The following HMCN1 variants were observed in gnomAD, a reference collection of about 807,000 sequenced individuals.
HMCN1 encodes hemicentin 1.
A neutral mutation model predicts 625.9 loss-of-function variants in HMCN1; 321 were observed. That is an observed-to-expected ratio of 0.51 (90% confidence interval 0.47 to 0.56). The LOEUF (loss-of-function observed/expected upper bound fraction) is 0.56. Among genes scored for constraint, HMCN1 ranks in the 20% least tolerant of loss-of-function variants. HMCN1 has a pLI of 0.00. For missense variants in HMCN1, 6,588 were observed against 6,887.3 expected (o/e 0.96, Z 1.54); for synonymous variants, 2,425 against 2,417.6 (o/e 1.00, Z -0.09).
At chr1:185,887,118 G>A (rs10911781) in intron 4 of HMCN1, among the ~76,000 whole-genome samples, 53,830 of 151,646 alleles carry the variant, frequency 0.35, 12,542 homozygotes, top group African/African-American at 0.66. Flanking sequence ...GTCCCTCTTA[G>A]TATATAAATC....
chr1:185,895,287 TG>T (rs1265112894), intron 4 of HMCN1, among the ~76,000 whole-genome samples: 1 of 152,212 alleles, frequency 6.6e-6, no homozygotes, highest in African/African-American at 2.4e-5. Flanking sequence ...AGTGATTTTT[TG>T]TATGTTCCAA....
chr1:185,981,208 C>T (rs1651610048), intron 17 of HMCN1, 135 bp downstream of exon 17: 1 of 673,662 alleles, frequency 1.5e-6, no homozygotes. Context: ...CTTCCCTTCC[C>T]TGCCACACTT....
At chr1:185,775,891 G>A (rs1247410488) in intron 1 of HMCN1, among the ~76,000 whole-genome samples, 1 of 152,174 alleles carries the variant, frequency 6.6e-6, no homozygotes, top group Non-Finnish European at 1.5e-5. Context: ...TGTTGAAAGA[G>A]GTCAGCAGTG....
chr1:186,189,087 T>A (rs1653545982), intron 106 of HMCN1, among the ~76,000 whole-genome samples: 1 of 152,146 alleles, frequency 6.6e-6, no homozygotes, highest in African/African-American at 2.4e-5. Context: ...TTAGAAAAAA[T>A]GTCAATATAT....
chr1:186,031,270 A>G (rs1209110598), intron 36 of HMCN1, among the ~76,000 whole-genome samples: 1 of 152,078 alleles, frequency 6.6e-6, no homozygotes, highest in East Asian at 1.9e-4. Context: ...TAATTTTAAA[A>G]GACAGATTTT....
intron 46 of HMCN1, among the ~76,000 whole-genome samples, chr1:186,061,572 A>G (rs1176613052): frequency 6.6e-6 from 1 of 152,196 alleles, no homozygotes; most frequent in African/African-American, 2.4e-5. Context: ...TTTTAAGATC[A>G]TATTCAAACA....
intron 1 of HMCN1, among the ~76,000 whole-genome samples, chr1:185,744,050 G>T (rs1284310889): frequency 7.0e-6 from 1 of 143,814 alleles, no homozygotes; most frequent in Non-Finnish European, 1.5e-5. Context: ...GTGCAGTGGC[G>T]CAATCTCGGC....
chr1:185,899,208 T>C lies in HMCN1; in HGVS notation c.622-10129T>C, dbSNP rs185439661. 2.1e-3 allele frequency among the ~76,000 whole-genome samples: 326 copies of C among 152,266 alleles called. 2 individuals carry two copies. The highest frequency in any genetic ancestry group is 7.4e-3 in the African/African-American group (308 of 41,570). On this transcript the variant is annotated intron_variant, in intron 4 of 106. Transcript: ENST00000271588. Reference sequence around the variant, plus strand: ...CACTGGGGCGATGTTCGCTATTTTTTTGGACCCAAATTTCTATCAGTACTA... The same window carrying C: ...CACTGGGGCGATGTTCGCTATTTTTCTGGACCCAAATTTCTATCAGTACTA...
intron 1 of HMCN1, among the ~76,000 whole-genome samples, chr1:185,818,954 T>A (rs1218216034): frequency 6.6e-6 from 1 of 151,942 alleles, no homozygotes; most frequent in African/African-American, 2.4e-5. Flanking sequence ...ATGTGGTTCC[T>A]TGATCTGTTA....
chr1:186,157,342 C>G (rs1419393517), intron 97 of HMCN1, among the ~76,000 whole-genome samples: 1 of 152,080 alleles, frequency 6.6e-6, no homozygotes, highest in Non-Finnish European at 1.5e-5. Flanking sequence ...CAAAGTAACA[C>G]ACTTTATAAT....
chr1:186,043,152 AT>A (rs1656319762), intron 40 of HMCN1, among the ~76,000 whole-genome samples: 1 of 152,126 alleles, frequency 6.6e-6, no homozygotes, highest in African/African-American at 2.4e-5. Flanking sequence ...GGCAACTCTG[AT>A]TTTAGTAATT....
intron 80 of HMCN1, among the ~76,000 whole-genome samples, chr1:186,120,879 C>G (rs1164611077): frequency 1.3e-5 from 2 of 152,128 alleles, no homozygotes; most frequent in African/African-American, 4.8e-5. Flanking sequence ...GAAGGAAAAT[C>G]TTAAACTACC....
At chr1:186,034,956 C>G (rs561984150) in intron 36 of HMCN1, among the ~76,000 whole-genome samples, 21 of 152,254 alleles carry the variant, frequency 1.4e-4, no homozygotes, top group Admixed American at 1.2e-3. Context: ...CATTCCATAG[C>G]TCTTGTATTT....
At chr1:185,907,746 G>C (rs184618240) in intron 4 of HMCN1, among the ~76,000 whole-genome samples, 3 of 152,096 alleles carry the variant, frequency 2.0e-5, no homozygotes, top group Admixed American at 2.0e-4. Context: ...ATTTAGCTGG[G>C]GAGGGAGAAA....
chr1:186,152,913 AATG>A (rs1487991971), intron 96 of HMCN1, 42 bp downstream of exon 96: 1 of 1,611,058 alleles, frequency 6.2e-7, no homozygotes, highest in Middle Eastern at 1.7e-4. Flanking sequence ...TTATTAGAGT[AATG>A]ATGAGTGAAA....
intron 4 of HMCN1, among the ~76,000 whole-genome samples, chr1:185,871,228 C>CAAA (rs556627020): frequency 1.5e-5 from 1 of 67,354 alleles, no homozygotes; most frequent in South Asian, 5.3e-4. Flanking sequence ...GACTCCGTCT[C>CAAA]AAAAAAAAAA....
intron 1 of HMCN1, among the ~76,000 whole-genome samples, chr1:185,749,144 A>G (rs1038467226): frequency 6.6e-6 from 1 of 152,194 alleles, no homozygotes; most frequent in African/African-American, 2.4e-5. Context: ...GTGTACAATC[A>G]TCTCTGATTC....
chr1:185,816,849 G>T (rs965241599), intron 1 of HMCN1, among the ~76,000 whole-genome samples: 2 of 152,204 alleles, frequency 1.3e-5, no homozygotes, highest in African/African-American at 4.8e-5. Context: ...ATTACTGCAT[G>T]GTTTGATGGC....
chr1:185,894,137 AAAAAAC>A (rs762377181), intron 4 of HMCN1, among the ~76,000 whole-genome samples: 3,154 of 150,758 alleles, frequency 0.021, 113 homozygotes, highest in African/African-American at 0.074. Flanking sequence ...TCCGTGTCAA[AAAAAAC>A]AAAAACAAAA....
Sources: allele counts gnomAD v4.1 joint callset (sites outside exome capture counted in the v4.1 genomes callset), GRCh38; gene constraint gnomAD v4.1.1; transcripts MANE v1.5; gene names NCBI Gene and HGNC (gene_info 2026-07-23, HGNC 2026-07-21).